EFHC2: variants seen among roughly 807,000 people sequenced by gnomAD.
The protein encoded by EFHC2 is EF-hand domain containing 2.
Under a neutral mutation model 52.7 loss-of-function variants are expected in EFHC2, and 18 were observed. The observed-to-expected ratio is 0.34, with a 90% CI of 0.24 to 0.51. The LOEUF (loss-of-function observed/expected upper bound fraction) is 0.51, where lower values mean the gene tolerates loss of function less well. Among genes scored for constraint, EFHC2 ranks in the 20% least tolerant of loss-of-function variants. The pLI, the probability that EFHC2 is intolerant of heterozygous loss-of-function variation, is 0.97. For missense variants in EFHC2, 513 were observed against 562.5 expected (o/e 0.91, Z 0.89); for synonymous variants, 203 against 204.1 (o/e 0.99, Z 0.04).
intron 2 of EFHC2, chrX:44,310,512 A>G (rs1359161241): frequency 4.6e-6 from 2 of 432,309 alleles, no homozygotes; most frequent in Non-Finnish European, 7.6e-6. Context: ...AGGGGCCGGG[A>G]CCGGGCGGCT....
At chrX:44,226,059 G>GC (rs1469833400) in intron 11 of EFHC2, among the ~76,000 whole-genome samples, 5 of 111,860 alleles carry the variant, frequency 4.5e-5, no homozygotes, top group Admixed American at 9.5e-5. Flanking sequence ...ACGATGCTTA[G>GC]CCCCCAGTAA....
chrX:44,281,210 G>C (rs186208199), intron 2 of EFHC2, among the ~76,000 whole-genome samples: 1 of 112,459 alleles, frequency 8.9e-6, no homozygotes, highest in Non-Finnish European at 1.9e-5. Flanking sequence ...GTGAGCCACC[G>C]GGCCTGGCCT....
At chrX:44,222,533 T>A (rs1403056176) in intron 11 of EFHC2, among the ~76,000 whole-genome samples, 3 of 112,033 alleles carry the variant, frequency 2.7e-5, no homozygotes, top group Non-Finnish European at 5.6e-5. Context: ...CATCAGAGAT[T>A]GCAAAAGTAG....
intron 11 of EFHC2, among the ~76,000 whole-genome samples, chrX:44,221,742 T>C (rs1213602315): frequency 9.0e-6 from 1 of 111,556 alleles, no homozygotes; most frequent in Non-Finnish European, 1.9e-5. Context: ...ATTTGGAAAA[T>C]TAGAATTTTC....
intron 8 of EFHC2, among the ~76,000 whole-genome samples, chrX:44,239,468 C>A (rs1350155151): frequency 8.9e-6 from 1 of 111,964 alleles, no homozygotes; most frequent in East Asian, 2.8e-4. Flanking sequence ...AAAAGGAGCC[C>A]ACAAATTACA....
chrX:44,249,049 G>GT, intron 5 of EFHC2, 133 bp from the exon 6 acceptor site: 1 of 385,762 alleles, frequency 2.6e-6, no homozygotes, highest in East Asian at 4.1e-5. Flanking sequence ...ATTAACTAAT[G>GT]TTGGCACACT....
intron 14 of EFHC2, among the ~76,000 whole-genome samples, chrX:44,150,318 G>A (rs2036560201): frequency 1.8e-5 from 2 of 111,738 alleles, no homozygotes; most frequent in Admixed American, 9.6e-5. Context: ...TTAGGGTTGT[G>A]AAGGGTATTC....
chrX:44,343,457 GGA>G (rs1394957522), intron 1 of EFHC2, 88 bp downstream of exon 1: 18 of 1,104,388 alleles, frequency 1.6e-5, no homozygotes, highest in Non-Finnish European at 2.1e-5. Flanking sequence ...GGGGCCTCCA[GGA>G]GAGTCTGCGG....
At chrX:44,205,211 T>C (rs59765417) in intron 11 of EFHC2, among the ~76,000 whole-genome samples, 25,615 of 109,701 alleles carry the variant, frequency 0.23, 2,255 homozygotes, top group Middle Eastern at 0.31. Flanking sequence ...GTTCTAAACA[T>C]GGAAATGAAA....
At chrX:44,193,110 A>G (rs1277386325) in intron 11 of EFHC2, among the ~76,000 whole-genome samples, 1 of 111,399 alleles carries the variant, frequency 9.0e-6, no homozygotes, top group Non-Finnish European at 1.9e-5. Context: ...TGGAGGCTTC[A>G]TCTGCATAGT....
rs757530362 is a variant in EFHC2, at chrX:44,209,016, AATCT to A, written c.1751+20629_1751+20632del. 7.0e-5 allele frequency among the ~76,000 whole-genome samples: 6 copies of A among 85,922 alleles called. No homozygotes were observed. The East Asian group carries it at 2.6e-3, about 37-fold the overall frequency. The allele number at this position is 85,922 out of a possible 115,157, so 74.6% of individuals were successfully genotyped here. On this transcript the variant is annotated intron_variant, in intron 11 of 14. Coordinates refer to ENST00000420999, the MANE Select transcript of EFHC2 (RefSeq NM_025184.4). ...AATGCATGATACTGGGTTGATTGGC[AATCT>A]GTGTGTGTGTGTGTGTGTGTGTGTG...
intron 2 of EFHC2, among the ~76,000 whole-genome samples, chrX:44,279,886 GA>G (rs1382280377): frequency 2.7e-5 from 3 of 109,756 alleles, no homozygotes; most frequent in South Asian, 7.7e-4. Flanking sequence ...GACGTACCAT[GA>G]AAAAAAAGTA....
chrX:44,306,400 A>G (rs1175651909), intron 2 of EFHC2, among the ~76,000 whole-genome samples: 2 of 111,464 alleles, frequency 1.8e-5, no homozygotes, highest in Non-Finnish European at 3.8e-5. Flanking sequence ...TGTTTTCATT[A>G]GAAAAATAGT....
chrX:44,204,587 T>C (rs2037033002), intron 11 of EFHC2, among the ~76,000 whole-genome samples: 1 of 111,704 alleles, frequency 9.0e-6, no homozygotes, highest in African/African-American at 3.3e-5. Flanking sequence ...TTTCAAAATA[T>C]AGTTTGAAGC....
At chrX:44,319,065 G>A (rs1413909687) in intron 1 of EFHC2, among the ~76,000 whole-genome samples, 1 of 104,621 alleles carries the variant, frequency 9.6e-6, no homozygotes, top group Admixed American at 1.1e-4. Context: ...GTACAGTGAC[G>A]TGATCCCAGC....
intron 14 of EFHC2, among the ~76,000 whole-genome samples, chrX:44,160,480 A>G (rs2036643488): frequency 1.8e-5 from 2 of 112,203 alleles, no homozygotes; most frequent in African/African-American, 3.2e-5. Flanking sequence ...TTATGAAAAA[A>G]AATCTTTCTT....
At chrX:44,228,978 G>A (rs186972101) in intron 11 of EFHC2, among the ~76,000 whole-genome samples, 9 of 112,045 alleles carry the variant, frequency 8.0e-5, no homozygotes, top group African/African-American at 2.9e-4. Flanking sequence ...GAAGTCTCAC[G>A]ATTGTACTAG....
At chrX:44,331,634 G>A (rs1214157554) in intron 1 of EFHC2, among the ~76,000 whole-genome samples, 2 of 112,256 alleles carry the variant, frequency 1.8e-5, no homozygotes, top group South Asian at 7.4e-4. Context: ...TTTGAAAAAT[G>A]AGCTGGACAC....
intron 2 of EFHC2, chrX:44,310,416 G>T (rs2037939816): frequency 1.0e-6 from 1 of 990,596 alleles, no homozygotes; most frequent in African/African-American, 1.9e-5. Context: ...CCCTTCAGCG[G>T]CGAGAGCTGC....
Sources: gnomAD v4.1 joint callset for allele counts (sites outside exome capture counted in the v4.1 genomes callset) on GRCh38, gnomAD v4.1.1 for gene constraint, MANE v1.5 for transcripts, NCBI Gene and HGNC (gene_info 2026-07-23, HGNC 2026-07-21) for gene names.